Variants in WDR88 observed in about 807,000 individuals in gnomAD.
The protein encoded by WDR88 is WD repeat domain 88, also known as WD repeat-containing protein 88.
Under a neutral mutation model 46.8 loss-of-function variants are expected in WDR88, and 40 were observed. The ratio of observed to expected loss-of-function variants is 0.86; its 90% CI spans 0.66 to 1.11. WDR88 has a LOEUF of 1.11. Ranked by LOEUF, WDR88 falls within the 50% of genes most tolerant of loss-of-function variation. The pLI is 0.00. For missense variants in WDR88, 562 were observed against 602.4 expected (o/e 0.93, Z 0.70); for synonymous variants, 235 against 240.7 (o/e 0.98, Z 0.22).
intron 10 of WDR88, 112 bp downstream of exon 10, chr19:33,172,552 AGAC>A: frequency 2.3e-6 from 2 of 878,170 alleles, no homozygotes; most frequent in Non-Finnish European, 3.5e-6. Context: ...GTGAACAAAC[AGAC>A]TGACATTTTT....
At position 33,172,431 on chromosome 19, in the gene WDR88, G is replaced by A; in HGVS notation, c.1233G>A (p.Lys411=). ...VIKYKKAVGL[K]LKQCERCDRP... ...AGTACAAAAAGGCCGTGGGCTTAAA[G>A]TTGAAACAGGTTGGTATTGGGTAAA... The change falls in exon 10 of 11, where the codon AAG becomes AAA. Residue 411 remains lysine (K), a synonymous_variant. Coordinates refer to ENST00000355868, the MANE Select transcript of WDR88 (RefSeq NM_173479.4). 1 of 1,613,906 alleles carries A rather than the reference G, an allele frequency of 6.2e-7. No individual in the cohort carries two copies. The highest frequency in any genetic ancestry group is 8.5e-7 in the Non-Finnish European group (1 of 1,179,860).
intron 3 of WDR88, among the ~76,000 whole-genome samples, chr19:33,147,255 C>CG (rs1162484472): frequency 6.7e-6 from 1 of 148,216 alleles, no homozygotes; most frequent in Admixed American, 6.8e-5. Flanking sequence ...AAAGGAAAGG[C>CG]GGGGGGCGGG....
chr19:33,142,438 T>A (rs923439390), intron 2 of WDR88, among the ~76,000 whole-genome samples: 3 of 151,850 alleles, frequency 2.0e-5, no homozygotes, highest in Non-Finnish European at 2.9e-5. Flanking sequence ...GGGGAACACT[T>A]GGATGCACTT....
chr19:33,167,436 T>C (rs60072861), intron 9 of WDR88, among the ~76,000 whole-genome samples: 3,093 of 152,198 alleles, frequency 0.02, 107 homozygotes, highest in African/African-American at 0.071. Context: ...AAAGAGTGTT[T>C]AGAAAAAATC....
chr19:33,146,334 A>G (rs1205193283), intron 3 of WDR88, among the ~76,000 whole-genome samples: 3 of 151,978 alleles, frequency 2.0e-5, no homozygotes, highest in Non-Finnish European at 4.4e-5. Context: ...AAACAGAAGA[A>G]ATGCTACTTT....
At chr19:33,147,622 C>G in intron 3 of WDR88, 23 bp from the exon 4 acceptor site, 1 of 1,611,310 alleles carries the variant, frequency 6.2e-7, no homozygotes, top group Admixed American at 1.7e-5. Context: ...AACCAGTGTT[C>G]GTCATCGTCA....
At chr19:33,132,535 C>T in intron 1 of WDR88, 90 bp downstream of exon 1, 2 of 1,529,230 alleles carry the variant, frequency 1.3e-6, no homozygotes, top group South Asian at 2.5e-5. Flanking sequence ...ATGGAAAACC[C>T]ACCTGGCTTC....
chr19:33,172,579 T>C, intron 10 of WDR88, 139 bp downstream of exon 10: 1 of 670,186 alleles, frequency 1.5e-6, no homozygotes, highest in South Asian at 2.0e-5. Context: ...CCAGGGGAGC[T>C]TAAATTCTAA....
chr19:33,155,048 T>C (rs190166658), intron 6 of WDR88, among the ~76,000 whole-genome samples: 2 of 152,258 alleles, frequency 1.3e-5, no homozygotes, highest in Admixed American at 1.3e-4. Context: ...GAGAAAGACA[T>C]TGAGGGTTAC....
At chr19:33,147,592 C>A in intron 3 of WDR88, 53 bp from the exon 4 acceptor site, 1 of 1,576,690 alleles carries the variant, frequency 6.3e-7, no homozygotes, top group Non-Finnish European at 8.7e-7. Flanking sequence ...AACAGAAAGA[C>A]ACCCTGTCTC....
Position 33,132,122 on chromosome 19 carries a change from C to A in WDR88, c.-48C>A. 6.6e-7 allele frequency: 1 copy of A among 1,519,222 alleles called. No homozygotes were observed. Among genetic ancestry groups the A allele is most frequent in the Non-Finnish European group, 8.8e-7 (1 of 1,138,438 alleles). The allele number at this position is 1,519,222 out of a possible 1,614,324, so 94.1% of individuals were successfully genotyped here. A position where few individuals can be genotyped will look rare whatever the true frequency, so the allele number is the denominator to read the frequency against. ...CGCGGGCGCGGGCGCGCGGCGCCAC[C>A]GTTCCCATCCAGGCTTGTCGGCGGC... is the stretch of plus-strand genomic sequence containing the variant. On this transcript the variant is annotated 5_prime_UTR_variant, in exon 1 of 11. Transcript: ENST00000355868.
chr19:33,140,898 A>G (rs1193401296), intron 2 of WDR88, among the ~76,000 whole-genome samples: 1 of 149,756 alleles, frequency 6.7e-6, no homozygotes, highest in Non-Finnish European at 1.5e-5. Flanking sequence ...AAATCATATT[A>G]CCTTTGTAAT....
intron 8 of WDR88, among the ~76,000 whole-genome samples, chr19:33,163,635 T>A (rs201108168): frequency 6.6e-6 from 1 of 151,490 alleles, no homozygotes; most frequent in African/African-American, 2.4e-5. Flanking sequence ...GCTGCTCTGC[T>A]CTTTCCTTTT....
At chr19:33,137,211 C>T (rs1053946124) in intron 1 of WDR88, among the ~76,000 whole-genome samples, 2 of 151,412 alleles carry the variant, frequency 1.3e-5, no homozygotes, top group Admixed American at 1.3e-4. Context: ...CCCAGCCTCC[C>T]AGAATGCTGG....
chr19:33,133,843 G>A (rs1251880364), intron 1 of WDR88, among the ~76,000 whole-genome samples: 3 of 152,150 alleles, frequency 2.0e-5, no homozygotes, highest in Non-Finnish European at 4.4e-5. Context: ...CTCCCTGACC[G>A]CCCGTCTAAA....
chr19:33,165,129 T>C (rs1336601437), intron 9 of WDR88, among the ~76,000 whole-genome samples: 1 of 152,090 alleles, frequency 6.6e-6, no homozygotes, highest in African/African-American at 2.4e-5. Context: ...GCTCAGGTGG[T>C]AAAGCTAGTG....
chr19:33,169,648 CAG>C (rs900856140), intron 9 of WDR88, among the ~76,000 whole-genome samples: 1 of 116,596 alleles, frequency 8.6e-6, no homozygotes, highest in African/African-American at 3.3e-5. Flanking sequence ...CTGATGGTGA[CAG>C]AGTGAGACCC....
chr19:33,139,471 G>A lies in WDR88; in HGVS notation c.387+1684G>A, dbSNP rs1434638805. 5.8e-4 allele frequency among the ~76,000 whole-genome samples: 88 copies of A among 152,322 alleles called. 2 individuals carry two copies. On this transcript the variant is annotated intron_variant, in intron 2 of 10. Transcript: ENST00000355868. ...ATCTGGCTTCAGGGACAGGAGTGGA[G>A]GGAGTTGAGGCTGGTTCCTGGGTTC... is the stretch of plus-strand genomic sequence containing the variant.
chr19:33,134,686 G>A (rs1287863968), intron 1 of WDR88, among the ~76,000 whole-genome samples: 1 of 152,036 alleles, frequency 6.6e-6, no homozygotes, highest in East Asian at 1.9e-4. Flanking sequence ...GGCCTGGCCC[G>A]ACGGGGTTAG....
Sources: allele counts gnomAD v4.1 joint callset (sites outside exome capture counted in the v4.1 genomes callset), GRCh38; gene constraint gnomAD v4.1.1; transcripts MANE v1.5; gene names NCBI Gene and HGNC (gene_info 2026-07-23, HGNC 2026-07-21).